The following CHRNA6 variants were observed in gnomAD, a reference collection of about 807,000 sequenced individuals.
The protein encoded by CHRNA6 is neuronal acetylcholine receptor subunit alpha-6.
CHRNA6 carries 31 observed loss-of-function variants against 40.9 expected under a neutral mutation model. The observed-to-expected ratio is 0.76, with a 90% confidence interval of 0.57 to 1.02. CHRNA6 has a LOEUF of 1.02. CHRNA6 is among the 50% of genes least tolerant of loss of function. The probability of loss-of-function intolerance (pLI) is 0.00; values close to 1 mark genes in which losing one functional copy is unlikely to be tolerated. For missense variants in CHRNA6, 546 were observed against 596.6 expected, an observed-to-expected ratio of 0.92 and a Z score of 0.88; for synonymous variants, 222 against 221.3, an observed-to-expected ratio of 1.00 and a Z score of -0.03.
intron 2 of CHRNA6, among the ~76,000 whole-genome samples, chr8:42,763,651 C>A (rs991576430): frequency 6.6e-6 from 1 of 152,116 alleles, no homozygotes. Context: ...AGCAGGAGAC[C>A]AGGAACCAGG....
At chr8:42,765,724 C>G (rs544025309) in intron 1 of CHRNA6, among the ~76,000 whole-genome samples, 92 of 152,234 alleles carry the variant, frequency 6.0e-4, no homozygotes, top group Admixed American at 1.3e-3. Context: ...TGATGGTCTT[C>G]GCAAGTCATG....
intron 1 of CHRNA6, among the ~76,000 whole-genome samples, chr8:42,766,421 G>A (rs1256913733): frequency 6.6e-6 from 1 of 152,158 alleles, no homozygotes; most frequent in African/African-American, 2.4e-5. Flanking sequence ...GAACCTGGGA[G>A]GCGGAGCTTG....
At chr8:42,759,418 A>C (rs1043709196) in intron 2 of CHRNA6, 11 of 276,996 alleles carry the variant, frequency 4.0e-5, no homozygotes, top group African/African-American at 2.4e-4. Flanking sequence ...GTTCCATGAA[A>C]GGAAGGAAAG....
Position 42,753,113 on chromosome 8 carries a change from C to T in CHRNA6, c.*66G>A. 6.8e-7 allele frequency: 1 copy of T among 1,472,726 alleles called. No homozygotes were observed. Among genetic ancestry groups the T allele is most frequent in the Non-Finnish European group, 9.2e-7 (1 of 1,091,208 alleles). 91.2% of individuals were successfully genotyped at this position (1,472,726 alleles called of 1,614,324 possible). On this transcript the variant is annotated 3_prime_UTR_variant, in exon 6 of 6. Transcript: ENST00000276410. ...GGTGGGAAGCCTTTGCTTTCCTTTC[C>T]TTGTGGCAGGGAATGCAGAACAAAT... is the stretch of plus-strand genomic sequence containing the variant.
intron 2 of CHRNA6, among the ~76,000 whole-genome samples, chr8:42,763,715 A>C (rs529541978): frequency 1.3e-5 from 2 of 152,222 alleles, no homozygotes; most frequent in South Asian, 2.1e-4. Context: ...ATAAATACTC[A>C]CTAAAGGATG....
At chr8:42,761,748 C>T (rs73633790) in intron 2 of CHRNA6, among the ~76,000 whole-genome samples, 3,096 of 152,296 alleles carry the variant, frequency 0.02, 110 homozygotes, top group African/African-American at 0.071. Flanking sequence ...TCCAAAGACC[C>T]ACAGCATCAA....
intron 2 of CHRNA6, among the ~76,000 whole-genome samples, chr8:42,761,917 C>T (rs1201614984): frequency 6.6e-6 from 1 of 152,214 alleles, no homozygotes; most frequent in Non-Finnish European, 1.5e-5. Flanking sequence ...AAGTGGGCTG[C>T]ATTACACCAA....
Position 42,756,681 on chromosome 8 carries a change from G to A in CHRNA6, c.518C>T (p.Ser173Phe), listed in dbSNP as rs777615925. Residue 173 changes from serine to phenylalanine, a missense_variant, in exon 5 of 6, where the codon TCC (serine) becomes TTC (phenylalanine). Physicochemically the swap from Ser to Phe is radical, Grantham distance 155. Transcript: ENST00000276410. The part of the protein sequence containing the change: ...TFFPFDHQNC[S>F]LKFGSWTYDK... ...ATACGTCCAGGAACCAAATTTTAGG[G>A]AACAGTTTTGATGATCAAAAGGGAA... is the stretch of plus-strand genomic sequence containing the variant. 1.2e-5 allele frequency: 20 copies of A among 1,614,124 alleles called. No individual in the cohort carries two copies. The highest frequency in any genetic ancestry group is 1.6e-5 in the Non-Finnish European group (19 of 1,180,030).
Position 42,768,454 on chromosome 8 carries a change from T to A in CHRNA6, c.-24A>T, listed in dbSNP as rs748770519. ...ATGGTTAAAACACACTTGGATTCCTTTTTCCTAGGCAAAGGATTGTGGAAA... is the reference window on the plus strand; with the variant it reads ...ATGGTTAAAACACACTTGGATTCCTATTTCCTAGGCAAAGGATTGTGGAAA... On this transcript the variant is annotated 5_prime_UTR_variant, in exon 1 of 6. Coordinates refer to ENST00000276410, the MANE Select transcript of CHRNA6 (RefSeq NM_004198.3). 1.8e-5 allele frequency: 28 copies of A among 1,592,552 alleles called. No individual in the cohort carries two copies. The highest frequency in any genetic ancestry group is 2.4e-5 in the Non-Finnish European group (28 of 1,160,722).
At chr8:42,764,847 T>C in intron 2 of CHRNA6, 1 of 544,960 alleles carries the variant, frequency 1.8e-6, no homozygotes. Context: ...TGCAACTCTT[T>C]GTTTCGTAAA....
chr8:42,761,705 T>C (rs1408020552), intron 2 of CHRNA6, among the ~76,000 whole-genome samples: 2 of 152,218 alleles, frequency 1.3e-5, no homozygotes, highest in South Asian at 2.1e-4. Context: ...CCAATGGGCA[T>C]GGCACTGCTA....
intron 5 of CHRNA6, among the ~76,000 whole-genome samples, chr8:42,755,184 ATTTT>A (rs551656749): frequency 7.3e-6 from 1 of 137,166 alleles, no homozygotes. Flanking sequence ...ACGCCTGCTA[ATTTT>A]TTTTTTTTTT....
At position 42,768,604 on chromosome 8, in the gene CHRNA6, A is replaced by T; in HGVS notation, c.-174T>A. ...ACTTCACACGGTTATTACCAGGATC[A>T]GAGACTGAGGCAGACATGAAGGGCG... On this transcript the variant is annotated 5_prime_UTR_variant, in exon 1 of 6. Transcript: ENST00000276410. 1.9e-6 allele frequency: 1 copy of T among 536,954 alleles called. No homozygotes were observed. Among genetic ancestry groups the T allele is most frequent in the East Asian group, 2.9e-5 (1 of 34,832 alleles). The allele number at this position is 536,954 out of a possible 1,614,324, so 33.3% of individuals were successfully genotyped here. A position where few individuals can be genotyped will look rare whatever the true frequency, so the allele number is the denominator to read the frequency against.
At position 42,756,385 on chromosome 8, in the gene CHRNA6, CT is replaced by C. The variant is rs2128911230; in HGVS notation, c.813del (p.Val272Ter). On this transcript the variant is annotated frameshift_variant, in exon 5 of 6. Transcript: ENST00000276410. LOFTEE classifies it high-confidence loss of function. ...VFYLPSDCGE[K>X]VTLCISVLLS... ...AGCAGGACTGAAATACAAAGCGTCA[CT>C]TTTTCACCACAGTCCGAAGGAAGGT... The C allele has an allele frequency of 6.2e-7, 1 of 1,614,190 alleles. No homozygotes were observed. Among genetic ancestry groups the C allele is most frequent in the East Asian group, 2.2e-5 (1 of 44,886 alleles).
At chr8:42,764,305 A>AT (rs1563626591) in intron 2 of CHRNA6, among the ~76,000 whole-genome samples, 1 of 151,656 alleles carries the variant, frequency 6.6e-6, no homozygotes, top group Non-Finnish European at 1.5e-5. Flanking sequence ...ATGGAATTGC[A>AT]TTTTTTTCAT....
Position 42,765,236 on chromosome 8 carries a change from C to T in CHRNA6, c.80-32G>A, listed in dbSNP as rs749823021. ...GGCCAAACAAAGGGGAGAGTTAGAG[C>T]CAGCCCGGCCACTGGCCACTGCAGC... is the stretch of plus-strand genomic sequence containing the variant. On this transcript the variant is annotated intron_variant, in intron 1 of 5. Coordinates refer to ENST00000276410, the MANE Select transcript of CHRNA6 (RefSeq NM_004198.3). 4.4e-6 allele frequency: 7 copies of T among 1,607,282 alleles called. No individual in the cohort carries two copies. In the East Asian group the frequency reaches 1.6e-4, roughly 36 times the overall value.
chr8:42,755,041 CTTTT>C (rs561445145), intron 5 of CHRNA6, among the ~76,000 whole-genome samples: 1 of 138,834 alleles, frequency 7.2e-6, no homozygotes, highest in Non-Finnish European at 1.5e-5. Context: ...TGTGCAGGGG[CTTTT>C]TTTTTTTTTT....
At chr8:42,766,523 T>C (rs775070458) in intron 1 of CHRNA6, among the ~76,000 whole-genome samples, 1 of 147,834 alleles carries the variant, frequency 6.8e-6, no homozygotes, top group South Asian at 2.1e-4. Context: ...AGAAAGAAAA[T>C]GTGGTATATA....
chr8:42,758,462 C>T (rs1047587591), intron 3 of CHRNA6, among the ~76,000 whole-genome samples: 1 of 151,812 alleles, frequency 6.6e-6, no homozygotes, highest in Non-Finnish European at 1.5e-5. Context: ...CTGGTTCAAG[C>T]GATTCTCCTG....
Sources: allele counts gnomAD v4.1 joint callset (sites outside exome capture counted in the v4.1 genomes callset), GRCh38; gene constraint gnomAD v4.1.1; transcripts MANE v1.5; gene names NCBI Gene and HGNC (gene_info 2026-07-23, HGNC 2026-07-21).